ZC3H18: variants seen among roughly 807,000 people sequenced by gnomAD.
ZC3H18 encodes zinc finger CCCH domain-containing protein 18.
Under a neutral mutation model 106.1 loss-of-function variants are expected in ZC3H18, and 8 were observed. That is an observed-to-expected ratio of 0.08 (90% CI 0.04 to 0.14). ZC3H18 has a LOEUF of 0.14. ZC3H18 is among the 10% of genes least tolerant of loss of function. The pLI, the probability that ZC3H18 is intolerant of heterozygous loss-of-function variation, is 1.00. For missense variants in ZC3H18, 1,318 were observed against 1,278.4 expected (o/e 1.03, Z -0.47); for synonymous variants, 635 against 522.1 (o/e 1.22, Z -2.95).
rs529536976 is a variant in ZC3H18 at position 88,600,101 on chromosome 16, C to T, written c.1088+153C>T. Among the ~76,000 whole-genome samples, 56 of 152,294 alleles carry T rather than the reference C, an allele frequency of 3.7e-4. 3 individuals carry two copies. The South Asian group carries it at 7.9e-3, about 21-fold the overall frequency. The stretch of plus-strand genomic sequence containing the variant: ...TGACGTTCCTGAGAGCATTCAGGCA[C>T]GGTTCTCAGAGCTCATCTCAGTTTT... On this transcript the variant is annotated intron_variant, in intron 6 of 17. Transcript: ENST00000301011.
chr16:88,575,932 ACT>A (rs1409737567), intron 1 of ZC3H18, among the ~76,000 whole-genome samples: 2 of 151,962 alleles, frequency 1.3e-5, no homozygotes, highest in African/African-American at 4.8e-5. Context: ...ACGGAGTCTC[ACT>A]CTGTCGCCCA....
At chr16:88,583,808 A>G (rs1053334752) in intron 2 of ZC3H18, among the ~76,000 whole-genome samples, 3 of 152,064 alleles carry the variant, frequency 2.0e-5, no homozygotes, top group African/African-American at 7.2e-5. Context: ...CACGGGCACC[A>G]TCCGTTTTTA....
At chr16:88,578,840 G>A (rs1204582199) in intron 2 of ZC3H18, among the ~76,000 whole-genome samples, 6 of 152,250 alleles carry the variant, frequency 3.9e-5, no homozygotes, top group Admixed American at 2.6e-4. Flanking sequence ...ACAGGCGCCC[G>A]CCACCACTGG....
At chr16:88,617,320 C>G (rs536348810) in intron 8 of ZC3H18, among the ~76,000 whole-genome samples, 2 of 152,126 alleles carry the variant, frequency 1.3e-5, no homozygotes, top group Non-Finnish European at 2.9e-5. Context: ...GGAGTTGTGC[C>G]GCTCTCTCCG....
At position 88,631,216 on chromosome 16, in the gene ZC3H18, C is replaced by A; in HGVS notation, c.2779C>A (p.Arg927=). The part of the protein sequence containing the change: ...TKSGKASTLS[R]REELLKQLKA... ...ATCAGGGAAGGCCAGCACGCTGTCT[C>A]GGCGGGAGGAGCTGCTGAAACAGCT... Residue 927 remains arginine, a synonymous_variant, in exon 18 of 18, where the codon CGG becomes AGG. Coordinates refer to ENST00000301011, the MANE Select transcript of ZC3H18 (RefSeq NM_144604.4). 1.2e-6 allele frequency: 2 copies of A among 1,613,596 alleles called. No individual in the cohort carries two copies. The highest frequency in any genetic ancestry group is 1.7e-6 in the Non-Finnish European group (2 of 1,179,964).
At chr16:88,584,690 G>A (rs568093791) in intron 2 of ZC3H18, among the ~76,000 whole-genome samples, 14 of 152,296 alleles carry the variant, frequency 9.2e-5, no homozygotes, top group Admixed American at 9.2e-4. Flanking sequence ...CGCACCTTCA[G>A]TATGCAACTC....
chr16:88,615,494 G>A (rs1418706429), intron 8 of ZC3H18, among the ~76,000 whole-genome samples: 1 of 152,208 alleles, frequency 6.6e-6, no homozygotes, highest in Non-Finnish European at 1.5e-5. Flanking sequence ...CTGTCCGTGA[G>A]TTTTGGATTT....
At chr16:88,594,366 C>G (rs1597333768) in intron 3 of ZC3H18, among the ~76,000 whole-genome samples, 1 of 152,076 alleles carries the variant, frequency 6.6e-6, no homozygotes, top group African/African-American at 2.4e-5. Context: ...CACATATAAA[C>G]CAAGTAAACA....
intron 1 of ZC3H18, among the ~76,000 whole-genome samples, chr16:88,576,784 C>T (rs138578844): frequency 5.3e-5 from 8 of 152,332 alleles, no homozygotes; most frequent in South Asian, 4.1e-4. Flanking sequence ...CTTTGCGATC[C>T]GTATCGTTAC....
rs546350646 is a variant in ZC3H18, at chr16:88,602,411, C to A, written c.1088+2463C>A. ...TGCCTCACAGGTGAGGAGAGTGCAA[C>A]CTGGATTGATAGCTGTGACCTCCTG... On this transcript the variant is annotated intron_variant, in intron 6 of 17. Transcript: ENST00000301011. Among the ~76,000 whole-genome samples the A allele has an allele frequency of 7.3e-4, 111 of 152,338 alleles. 1 individual carries two copies. Among genetic ancestry groups the A allele is most frequent in the Admixed American group, 6.3e-3 (97 of 15,300 alleles).
rs567846868 is a variant in ZC3H18 at position 88,591,678 on chromosome 16, A to G, written c.688+4994A>G. ...CTTGGGTGGTTTCCACCTCTAGGCA[A>G]TTGTGAATAGAGCTGCTGTGAACGT... On this transcript the variant is annotated intron_variant, in intron 3 of 17. Transcript: ENST00000301011. Among the ~76,000 whole-genome samples, 6 of 152,338 alleles carry G rather than the reference A, an allele frequency of 3.9e-5. No homozygotes were observed. The East Asian group carries it at 9.6e-4, about 24-fold the overall frequency.
rs766575412 is a variant in ZC3H18, at chr16:88,577,327, C to T, written c.204C>T (p.Asp68=). The T allele has an allele frequency of 1.1e-5, 17 of 1,608,670 alleles. No individual in the cohort carries two copies. The highest frequency in any genetic ancestry group is 3.3e-5 in the South Asian group (3 of 90,306). Residue 68 remains aspartate (D), a synonymous_variant, in exon 2 of 18, where the codon GAC becomes GAT. Transcript: ENST00000301011. ...PSQEEEDNHS[D]EEDRASEPKS... Reference sequence around the variant, plus strand: ...AGGAGGAGGAAGATAATCACTCCGACGAGGAGGACCGGGCAAGTGAGCCTA... The same window carrying T: ...AGGAGGAGGAAGATAATCACTCCGATGAGGAGGACCGGGCAAGTGAGCCTA...
chr16:88,630,532 G>A lies in ZC3H18; in HGVS notation c.2614G>A (p.Glu872Lys). The change falls in exon 17 of 18, where the codon GAG becomes AAG. Residue 872 changes from glutamate (E) to lysine (K), a missense_variant. This residue lies in a region of ZC3H18 where 848 missense variants were observed against 821.7 expected (regional missense o/e 1.03). Transcript: ENST00000301011. ...TGGGAGACTGGGCTCCCCGAAGCCA[G>A]AGCGGCAGAGAGGCCAGAACTCCAA... ...SGGRLGSPKP[E>K]RQRGQNSKAP... 1 of 1,612,880 alleles carries A rather than the reference G, an allele frequency of 6.2e-7. No individual in the cohort carries two copies. The highest frequency in any genetic ancestry group is 8.5e-7 in the Non-Finnish European group (1 of 1,179,838).
intron 2 of ZC3H18, among the ~76,000 whole-genome samples, chr16:88,581,293 T>C (rs940101112): frequency 2.0e-5 from 3 of 152,194 alleles, no homozygotes; most frequent in Admixed American, 6.5e-5. Flanking sequence ...TGGCCTGATT[T>C]ATCATTCTTT....
At chr16:88,630,779 C>CTT (rs1906636200) in intron 17 of ZC3H18, among the ~76,000 whole-genome samples, 198 bp downstream of exon 17, 1 of 140,438 alleles carries the variant, frequency 7.1e-6, no homozygotes. Flanking sequence ...CACACACACA[C>CTT]GCTCCTGCCC....
At chr16:88,616,467 C>T (rs940698012) in intron 8 of ZC3H18, among the ~76,000 whole-genome samples, 6 of 152,182 alleles carry the variant, frequency 3.9e-5, no homozygotes, top group African/African-American at 7.2e-5. Flanking sequence ...AGCCGGCTTC[C>T]GGGTGCTGGG....
intron 9 of ZC3H18, 129 bp from the exon 10 acceptor site, chr16:88,623,090 C>CGTGCGCAGCT: frequency 7.4e-7 from 1 of 1,347,956 alleles, no homozygotes; most frequent in Non-Finnish European, 1.0e-6. Context: ...GCTGTGCGCG[C>CGTGCGCAGCT]GTGCGCAGCT....
rs1187850583 is a variant in ZC3H18 at position 88,625,190 on chromosome 16, C to T, written c.2043-12C>T. 5.1e-6 allele frequency: 8 copies of T among 1,577,386 alleles called. No individual in the cohort carries two copies. The African/African-American group carries it at 5.4e-5, about 11-fold the overall frequency. On this transcript the variant is annotated splice_polypyrimidine_tract_variant and intron_variant, in intron 12 of 17. Coordinates refer to ENST00000301011, the MANE Select transcript of ZC3H18 (RefSeq NM_144604.4). ...CCACGCCCCCTGAGCCCCGCTGTTG[C>T]TTGTATTACAGGCGGACGCTAAGCG...
At chr16:88,618,273 G>A (rs1905747664) in intron 8 of ZC3H18, among the ~76,000 whole-genome samples, 2 of 152,070 alleles carry the variant, frequency 1.3e-5, no homozygotes, top group Non-Finnish European at 2.9e-5. Context: ...TAAGGGAGGT[G>A]GGGAGAGCAT....
Sources: allele counts gnomAD v4.1 joint callset (sites outside exome capture counted in the v4.1 genomes callset), GRCh38; gene constraint gnomAD v4.1.1; regional missense constraint gnomAD v4.1.1; transcripts MANE v1.5; gene names NCBI Gene and HGNC (gene_info 2026-07-23, HGNC 2026-07-21).